SCFD1: variants seen among roughly 807,000 people sequenced by gnomAD.
SCFD1 encodes sec1 family domain containing 1.
Under a neutral mutation model 103.2 loss-of-function variants are expected in SCFD1, and 37 were observed. The observed-to-expected ratio is 0.36, with a 90% CI of 0.28 to 0.47. The LOEUF (loss-of-function observed/expected upper bound fraction) is 0.47, where lower values mean the gene tolerates loss of function less well. Among genes scored for constraint, SCFD1 ranks in the 20% least tolerant of loss-of-function variants. The probability of loss-of-function intolerance (pLI) is 1.00; values close to 1 mark genes in which losing one functional copy is unlikely to be tolerated. For missense variants in SCFD1, 639 were observed against 761.2 expected, an observed-to-expected ratio of 0.84 and a Z score of 1.89; for synonymous variants, 264 against 245.0, an observed-to-expected ratio of 1.08 and a Z score of -0.73.
Position 30,622,374 on chromosome 14 carries a change from A to C in SCFD1, c.36A>C (p.Ala12=), listed in dbSNP as rs1882923297. 1.3e-6 allele frequency: 2 copies of C among 1,559,376 alleles called. No individual in the cohort carries two copies. Among genetic ancestry groups the C allele is most frequent in the African/African-American group, 1.4e-5 (1 of 73,564 alleles). ...AAAAAATAAA[A]ASIRERQTVA... is the part of the protein sequence containing the mutation. ...CGGCGGCAGCGACAGCAGCAGCAGCAGCCAGTATTCGGGAAAGGCAGACAG... is the reference window on the plus strand; with the variant it reads ...CGGCGGCAGCGACAGCAGCAGCAGCCGCCAGTATTCGGGAAAGGCAGACAG... The change falls in exon 1 of 25, where the codon GCA becomes GCC. Residue 12 remains alanine (A), a synonymous_variant. Transcript: ENST00000458591.
intron 19 of SCFD1, among the ~76,000 whole-genome samples, chr14:30,710,993 A>G (rs1459530272): frequency 6.6e-6 from 1 of 152,226 alleles, no homozygotes; most frequent in African/African-American, 2.4e-5. Flanking sequence ...ACCTTGTTTT[A>G]TGGGCAGCAT....
At chr14:30,675,943 TTTTC>T (rs1196207903) in intron 14 of SCFD1, among the ~76,000 whole-genome samples, 1 of 152,204 alleles carries the variant, frequency 6.6e-6, no homozygotes, top group African/African-American at 2.4e-5. Flanking sequence ...AACCTAATTT[TTTTC>T]TTTGTTTCAC....
intron 2 of SCFD1, among the ~76,000 whole-genome samples, chr14:30,630,259 T>G (rs112124858): frequency 6.6e-6 from 1 of 152,202 alleles, no homozygotes. Flanking sequence ...AGGATAACAA[T>G]TCAGTATATA....
At chr14:30,658,919 T>C in intron 10 of SCFD1, among the ~76,000 whole-genome samples, 1 of 152,194 alleles carries the variant, frequency 6.6e-6, no homozygotes, top group South Asian at 2.1e-4. Context: ...AAGTCAAAAG[T>C]GTAATGTAAA....
intron 17 of SCFD1, among the ~76,000 whole-genome samples, chr14:30,703,948 TATATATATATATATAA>T (rs1395983269): frequency 0.014 from 805 of 59,138 alleles, 27 homozygotes; most frequent in East Asian, 0.061. Flanking sequence ...TATATATATA[TATATATATATATATAA>T]ATAATGAGAT....
chr14:30,680,291 T>C (rs1889368653), intron 14 of SCFD1, among the ~76,000 whole-genome samples: 1 of 152,196 alleles, frequency 6.6e-6, no homozygotes, highest in African/African-American at 2.4e-5. Flanking sequence ...TAGCCAGGGT[T>C]CCCCAGAGAA....
intron 19 of SCFD1, among the ~76,000 whole-genome samples, chr14:30,712,511 T>TTAAG (rs1398636827): frequency 6.6e-6 from 1 of 152,228 alleles, no homozygotes; most frequent in Non-Finnish European, 1.5e-5. Context: ...TGTCTTTTTT[T>TTAAG]TAAGTTTTTG....
intron 17 of SCFD1, among the ~76,000 whole-genome samples, chr14:30,704,251 C>CT (rs1891316134): frequency 6.6e-6 from 1 of 151,994 alleles, no homozygotes; most frequent in Admixed American, 6.6e-5. Context: ...TCATAGCTCA[C>CT]TGTAACCTCA....
chr14:30,628,320 C>A (rs1395359114), intron 2 of SCFD1, 41 bp downstream of exon 2: 2 of 1,352,202 alleles, frequency 1.5e-6, no homozygotes, highest in South Asian at 1.2e-5. Flanking sequence ...CTGTTTTTCT[C>A]AGCCCTTATT....
intron 21 of SCFD1, 35 bp downstream of exon 21, chr14:30,719,412 T>C (rs1271301468): frequency 2.0e-6 from 3 of 1,520,260 alleles, no homozygotes. Flanking sequence ...CTTGTGGATT[T>C]TTTCCCCTCG....
At chr14:30,727,450 A>G (rs1406930041) in intron 23 of SCFD1, among the ~76,000 whole-genome samples, 1 of 152,128 alleles carries the variant, frequency 6.6e-6, no homozygotes, top group East Asian at 1.9e-4. Flanking sequence ...TATCCTCAAG[A>G]TGTTGTTATT....
At chr14:30,669,428 G>T (rs937300490) in intron 10 of SCFD1, among the ~76,000 whole-genome samples, 3 of 152,118 alleles carry the variant, frequency 2.0e-5, no homozygotes, top group Admixed American at 2.0e-4. Flanking sequence ...GCTGCTATTT[G>T]TGAGGGAACC....
At chr14:30,722,707 T>C in intron 23 of SCFD1, 148 bp downstream of exon 23, 1 of 433,752 alleles carries the variant, frequency 2.3e-6, no homozygotes, top group Non-Finnish European at 4.0e-6. Context: ...TAAATGTTTA[T>C]TGTTTTCCTA....
At chr14:30,699,174 T>G (rs543332583) in intron 15 of SCFD1, among the ~76,000 whole-genome samples, 12 of 152,306 alleles carry the variant, frequency 7.9e-5, no homozygotes, top group African/African-American at 2.9e-4. Context: ...CATGAGAACT[T>G]TAGAGAACTT....
chr14:30,706,459 G>A (rs545015189), intron 18 of SCFD1, among the ~76,000 whole-genome samples: 1 of 151,966 alleles, frequency 6.6e-6, no homozygotes, highest in East Asian at 1.9e-4. Context: ...TTGTCTTCTC[G>A]ATGGTTTTTA....
chr14:30,707,551 C>G (rs1468002363), intron 18 of SCFD1, among the ~76,000 whole-genome samples: 1 of 152,064 alleles, frequency 6.6e-6, no homozygotes, highest in Non-Finnish European at 1.5e-5. Context: ...GTAATACTTG[C>G]ATATATATTT....
chr14:30,702,182 G>A, intron 16 of SCFD1, 114 bp from the exon 17 acceptor site: 1 of 628,370 alleles, frequency 1.6e-6, no homozygotes, highest in Non-Finnish European at 2.7e-6. Context: ...CTACTTGGGT[G>A]CCAAGAATTT....
At chr14:30,633,798 G>A (rs892303422) in intron 3 of SCFD1, 149 bp from the exon 4 acceptor site, 25 of 473,154 alleles carry the variant, frequency 5.3e-5, no homozygotes, top group Middle Eastern at 5.5e-4. Flanking sequence ...CACTGACATG[G>A]GAGAAAGATA....
At chr14:30,717,785 G>A (rs1298912667) in intron 20 of SCFD1, among the ~76,000 whole-genome samples, 1 of 151,424 alleles carries the variant, frequency 6.6e-6, no homozygotes. Context: ...TCTGGAGGCT[G>A]AGGCAGGAGA....
Sources: allele counts gnomAD v4.1 joint callset (sites outside exome capture counted in the v4.1 genomes callset), GRCh38; gene constraint gnomAD v4.1.1; transcripts MANE v1.5; gene names NCBI Gene and HGNC (gene_info 2026-07-23, HGNC 2026-07-21).